SEMA6D: variants seen among roughly 807,000 people sequenced by gnomAD.
SEMA6D encodes semaphorin 6D.
In SEMA6D, 35 loss-of-function variants were observed where a neutral mutation model predicts 106.6. The observed-to-expected ratio is 0.33, with a 90% confidence interval of 0.25 to 0.44. The LOEUF (loss-of-function observed/expected upper bound fraction) is 0.44. SEMA6D is among the 20% of genes least tolerant of loss of function. SEMA6D has a pLI of 1.00. For synonymous variants in SEMA6D, 499 were observed against 487.7 expected, an observed-to-expected ratio of 1.02 and a Z score of -0.31; for missense variants, 1,185 against 1,345.9, an observed-to-expected ratio of 0.88 and a Z score of 1.87.
intron 2 of SEMA6D, among the ~76,000 whole-genome samples, chr15:47,458,650 A>G (rs1330939596): frequency 6.6e-6 from 1 of 152,038 alleles, no homozygotes; most frequent in African/African-American, 2.4e-5. Flanking sequence ...ATCAGAATGT[A>G]TTTTGAAATG....
chr15:47,381,966 G>A (rs2039653822), intron 1 of SEMA6D, among the ~76,000 whole-genome samples: 1 of 152,100 alleles, frequency 6.6e-6, no homozygotes, highest in East Asian at 1.9e-4. Flanking sequence ...TCTGTATTGG[G>A]TTTAGGGAGG....
intron 8 of SEMA6D, among the ~76,000 whole-genome samples, chr15:47,762,680 C>T (rs1249697856): frequency 2.6e-5 from 4 of 152,184 alleles, no homozygotes; most frequent in Non-Finnish European, 2.9e-5. Context: ...CCATTTTGTT[C>T]TTCAGAGTCT....
intron 3 of SEMA6D, among the ~76,000 whole-genome samples, chr15:47,471,022 A>G (rs780103613): frequency 1.3e-5 from 2 of 152,298 alleles, no homozygotes; most frequent in African/African-American, 2.4e-5. Context: ...GGCAAGTTGC[A>G]TGATGCCTAT....
At chr15:47,751,039 C>T (rs1014727299) in intron 1 of SEMA6D, among the ~76,000 whole-genome samples, 4 of 152,136 alleles carry the variant, frequency 2.6e-5, no homozygotes, top group African/African-American at 7.2e-5. Flanking sequence ...TTCGGGGTCT[C>T]CTGGAATCTG....
intron 3 of SEMA6D, among the ~76,000 whole-genome samples, chr15:47,595,215 A>G (rs1345328946): frequency 1.3e-5 from 2 of 152,224 alleles, no homozygotes; most frequent in East Asian, 1.9e-4. Context: ...GGGTTGTTAT[A>G]TATGGCCTTT....
chr15:47,266,363 T>G (rs1177660394), intron 1 of SEMA6D, among the ~76,000 whole-genome samples: 2 of 152,076 alleles, frequency 1.3e-5, no homozygotes, highest in Non-Finnish European at 2.9e-5. Flanking sequence ...GCAAAATCTC[T>G]AGATTTTGCC....
At chr15:47,601,133 A>C (rs2076649134) in intron 4 of SEMA6D, among the ~76,000 whole-genome samples, 1 of 152,066 alleles carries the variant, frequency 6.6e-6, no homozygotes, top group South Asian at 2.1e-4. Flanking sequence ...AGAGAGAGAC[A>C]GTGTGTGTGT....
intron 4 of SEMA6D, among the ~76,000 whole-genome samples, chr15:47,627,833 C>T (rs2077229124): frequency 6.6e-6 from 1 of 152,178 alleles, no homozygotes. Context: ...CTTCTATAGA[C>T]ATATCCAACC....
chr15:47,513,663 C>T (rs2044299770), intron 3 of SEMA6D, among the ~76,000 whole-genome samples: 2 of 152,104 alleles, frequency 1.3e-5, no homozygotes, highest in African/African-American at 4.8e-5. Context: ...GAAGTTGATC[C>T]AAGATAGATT....
intron 4 of SEMA6D, among the ~76,000 whole-genome samples, chr15:47,692,121 A>G (rs2078599651): frequency 1.3e-5 from 2 of 152,192 alleles, no homozygotes; most frequent in South Asian, 4.1e-4. Context: ...AGCACAATGA[A>G]TAATTTAAGA....
chr15:47,668,701 C>A (rs2078077898), intron 4 of SEMA6D, among the ~76,000 whole-genome samples: 1 of 152,114 alleles, frequency 6.6e-6, no homozygotes, highest in African/African-American at 2.4e-5. Context: ...GTGTCTGGAC[C>A]CTCTCTGCCT....
intron 3 of SEMA6D, among the ~76,000 whole-genome samples, chr15:47,570,539 C>T (rs1027614051): frequency 1.3e-5 from 2 of 152,180 alleles, no homozygotes; most frequent in East Asian, 1.9e-4. Flanking sequence ...CCACTTGACA[C>T]CTGAGATTTC....
chr15:47,380,502 A>G (rs1341486058), intron 1 of SEMA6D: 2 of 152,250 alleles, frequency 1.3e-5, no homozygotes, highest in Non-Finnish European at 2.9e-5. Context: ...TGCCTTCAGA[A>G]GAATCCACAT....
At chr15:47,403,165 T>G (rs2040453426) in intron 1 of SEMA6D, among the ~76,000 whole-genome samples, 1 of 152,198 alleles carries the variant, frequency 6.6e-6, no homozygotes. Context: ...AAAGCCTTTT[T>G]TTTCCAGAAT....
chr15:47,768,307 T>C (rs1351787696), intron 17 of SEMA6D, among the ~76,000 whole-genome samples: 2 of 152,186 alleles, frequency 1.3e-5, no homozygotes, highest in African/African-American at 4.8e-5. Context: ...ACCTTTTTCA[T>C]GAGTGTCATT....
intron 3 of SEMA6D, among the ~76,000 whole-genome samples, chr15:47,498,146 A>G (rs1388718846): frequency 1.3e-5 from 2 of 152,178 alleles, no homozygotes; most frequent in African/African-American, 4.8e-5. Context: ...CTGTTTTAAC[A>G]AAGCTACTGC....
At chr15:47,745,214 C>G (rs1183778357) in intron 1 of SEMA6D, among the ~76,000 whole-genome samples, 1 of 152,234 alleles carries the variant, frequency 6.6e-6, no homozygotes, top group Non-Finnish European at 1.5e-5. Context: ...TCCTGGTACT[C>G]ACCTGGTCTA....
chr15:47,467,733 A>G (rs987358646), intron 2 of SEMA6D, among the ~76,000 whole-genome samples: 6 of 152,238 alleles, frequency 3.9e-5, no homozygotes, highest in African/African-American at 1.2e-4. Flanking sequence ...CAGGATGCTA[A>G]GAGATCATTG....
chr15:47,589,945 G>T (rs1472857609), intron 3 of SEMA6D, among the ~76,000 whole-genome samples: 2 of 152,176 alleles, frequency 1.3e-5, no homozygotes, highest in African/African-American at 4.8e-5. Context: ...GGTTGATTGG[G>T]TTCAGTTAGA....
Sources: gnomAD v4.1 joint callset for allele counts (sites outside exome capture counted in the v4.1 genomes callset) on GRCh38, gnomAD v4.1.1 for gene constraint, MANE v1.5 for transcripts, NCBI Gene and HGNC (gene_info 2026-07-23, HGNC 2026-07-21) for gene names.